The following UMAD1 variants were observed in gnomAD, a reference collection of about 807,000 sequenced individuals.
The protein encoded by UMAD1 is UBAP1-MVB12-associated (UMA) domain containing 1, also known as UBAP1-MVB12-associated (UMA)-domain containing protein 1.
Under a neutral mutation model 6.1 loss-of-function variants are expected in UMAD1, and 8 were observed. That is an observed-to-expected ratio of 1.30 (90% CI 0.76 to 2.35). The LOEUF (loss-of-function observed/expected upper bound fraction) is 2.35. Among genes scored for constraint, UMAD1 ranks in the 30% most tolerant of loss-of-function variants. The probability of loss-of-function intolerance (pLI) is 0.00; values close to 1 mark genes in which losing one functional copy is unlikely to be tolerated. For synonymous variants in UMAD1, 56 were observed against 31.4 expected (o/e 1.78, Z -2.61); for missense variants, 130 against 78.4 (o/e 1.66, Z -2.49).
chr7:7,877,318 A>G lies in UMAD1; in HGVS notation c.194A>G (p.Asp65Gly). 1.4e-6 allele frequency: 1 copy of G among 717,486 alleles called. No individual in the cohort carries two copies. Among genetic ancestry groups the G allele is most frequent in the South Asian group, 1.5e-5 (1 of 67,602 alleles). 44.4% of individuals were successfully genotyped at this position (717,486 alleles called of 1,614,324 possible). The change falls in exon 4 of 4, where the codon GAC (aspartate) becomes GGC (glycine). Residue 65 changes from aspartate (D) to glycine (G), a missense_variant. Asp to Gly is a moderately conservative substitution (Grantham distance 94). Transcript: ENST00000682710. Reference protein sequence around the residue: ...KENSSSVTVSDPEMENKAGQT... With the variant: ...KENSSSVTVSGPEMENKAGQT... Reference sequence around the variant, plus strand: ...AATTCATCCAGTGTGACTGTATCAGACCCTGAGATGGAAAATAAGGCAGGC... The same window carrying G: ...AATTCATCCAGTGTGACTGTATCAGGCCCTGAGATGGAAAATAAGGCAGGC...
intron 3 of UMAD1, among the ~76,000 whole-genome samples, chr7:7,816,985 T>C (rs557792770): frequency 1.3e-5 from 2 of 152,344 alleles, no homozygotes; most frequent in Admixed American, 1.3e-4. Flanking sequence ...GTAATTTGTG[T>C]CTACTGTGCA....
intron 3 of UMAD1, among the ~76,000 whole-genome samples, chr7:7,829,616 T>C (rs1783422004): frequency 6.6e-6 from 1 of 152,232 alleles, no homozygotes; most frequent in African/African-American, 2.4e-5. Flanking sequence ...TAGCACTTTA[T>C]ATTTTTATTT....
At chr7:7,838,151 T>G (rs1364626981) in intron 3 of UMAD1, among the ~76,000 whole-genome samples, 1 of 150,746 alleles carries the variant, frequency 6.6e-6, no homozygotes, top group African/African-American at 2.5e-5. Flanking sequence ...TCAGCAAACA[T>G]TTTCTGAAAG....
At position 7,825,522 on chromosome 7, in the gene UMAD1, G is replaced by A. The variant is rs571885829; in HGVS notation, c.156+23779G>A. 1.3e-4 allele frequency among the ~76,000 whole-genome samples: 20 copies of A among 152,190 alleles called. 1 individual carries two copies. In the East Asian group the frequency reaches 3.9e-3, roughly 29 times the overall value. On this transcript the variant is annotated intron_variant, in intron 3 of 3. Coordinates refer to ENST00000682710, the MANE Select transcript of UMAD1 (RefSeq NM_001302348.2). ...GGCAGCAGGCAAAGAGAAAGAGCTT[G>A]TGCAGGGAAATTCCCATTTTTAAAA...
intron 2 of UMAD1, among the ~76,000 whole-genome samples, chr7:7,767,084 A>G (rs1276708086): frequency 1.3e-5 from 2 of 150,806 alleles, no homozygotes; most frequent in Non-Finnish European, 1.5e-5. Flanking sequence ...AGAGATGATC[A>G]TTACTGTTTA....
intron 2 of UMAD1, 138 bp downstream of exon 2, chr7:7,673,591 A>G (rs1779666235): frequency 3.3e-6 from 2 of 604,930 alleles, no homozygotes; most frequent in African/African-American, 1.8e-5. Flanking sequence ...AAAGCGTAAA[A>G]TCTGTAAAGA....
At position 7,680,688 on chromosome 7, in the gene UMAD1, A is replaced by AT. The variant is rs66525650; in HGVS notation, c.82+7244dup. On this transcript the variant is annotated intron_variant, in intron 2 of 3. Transcript: ENST00000682710. ...ATCCATAAATTTGGAATATCTTTCCATTTTTTTTTATGTGTGTTCTCTTTG... is the reference window on the plus strand; with the variant it reads ...ATCCATAAATTTGGAATATCTTTCCATTTTTTTTTTATGTGTGTTCTCTTTG... Among the ~76,000 whole-genome samples, 26 of 150,942 alleles carry AT rather than the reference A, an allele frequency of 1.7e-4. 1 individual carries two copies. The East Asian group carries it at 3.9e-3, about 23-fold the overall frequency.
intron 3 of UMAD1, among the ~76,000 whole-genome samples, chr7:7,802,049 A>T (rs1782810457): frequency 6.6e-6 from 1 of 152,278 alleles, no homozygotes; most frequent in Non-Finnish European, 1.5e-5. Context: ...TATTTCAATA[A>T]ATAGGCAGTA....
rs193024250 is a variant in UMAD1, at chr7:7,710,466, A to T, written c.82+37013A>T. Among the ~76,000 whole-genome samples the T allele has an allele frequency of 1.1e-3, 166 of 152,364 alleles. 1 individual carries two copies. The Middle Eastern group carries it at 0.014, about 12-fold the overall frequency. On this transcript the variant is annotated intron_variant, in intron 2 of 3. Transcript: ENST00000682710. ...ACATATGGCAAATAAGCACATGAAT[A>T]AGTGTCATTAGCCATAATGCAAATT...
intron 2 of UMAD1, among the ~76,000 whole-genome samples, chr7:7,795,527 G>A (rs1398471170): frequency 2.0e-5 from 3 of 152,220 alleles, no homozygotes; most frequent in African/African-American, 7.2e-5. Flanking sequence ...ACTTTATTAA[G>A]CAAGTAAAGG....
At chr7:7,648,547 T>G (rs1346976236) in intron 1 of UMAD1, among the ~76,000 whole-genome samples, 1 of 152,172 alleles carries the variant, frequency 6.6e-6, no homozygotes, top group Non-Finnish European at 1.5e-5. Context: ...ACAGACTGGG[T>G]AATTTATAAA....
At chr7:7,705,074 A>G (rs1448490747) in intron 2 of UMAD1, among the ~76,000 whole-genome samples, 1 of 152,122 alleles carries the variant, frequency 6.6e-6, no homozygotes, top group Non-Finnish European at 1.5e-5. Context: ...TGGCATTGTT[A>G]TTATTCTGAA....
chr7:7,755,988 C>T (rs763768561), intron 2 of UMAD1, among the ~76,000 whole-genome samples: 1 of 152,156 alleles, frequency 6.6e-6, no homozygotes, highest in South Asian at 2.1e-4. Context: ...AATGAGTAAA[C>T]AAGTAAACCA....
At chr7:7,744,070 T>C (rs1030760315) in intron 2 of UMAD1, among the ~76,000 whole-genome samples, 1 of 152,148 alleles carries the variant, frequency 6.6e-6, no homozygotes, top group African/African-American at 2.4e-5. Flanking sequence ...TAGCAGTTAC[T>C]CACTATTTCC....
At chr7:7,807,285 A>G (rs886957911) in intron 3 of UMAD1, among the ~76,000 whole-genome samples, 2 of 152,136 alleles carry the variant, frequency 1.3e-5, no homozygotes, top group Non-Finnish European at 2.9e-5. Context: ...AATTTTGTCT[A>G]CTTGTATGAT....
At chr7:7,802,207 A>G (rs893981991) in intron 3 of UMAD1, among the ~76,000 whole-genome samples, 9 of 152,124 alleles carry the variant, frequency 5.9e-5, no homozygotes, top group Admixed American at 1.3e-4. Context: ...GTGAAACCCC[A>G]TCTCTACTAA....
At chr7:7,749,486 G>GT (rs1393814017) in intron 2 of UMAD1, among the ~76,000 whole-genome samples, 4 of 152,018 alleles carry the variant, frequency 2.6e-5, no homozygotes, top group Non-Finnish European at 4.4e-5. Flanking sequence ...GTGGGTAAGC[G>GT]TTTTTTTCAT....
intron 2 of UMAD1, among the ~76,000 whole-genome samples, chr7:7,739,984 A>G (rs1160315437): frequency 6.6e-6 from 1 of 152,252 alleles, no homozygotes; most frequent in Non-Finnish European, 1.5e-5. Context: ...GGCAGCTTAA[A>G]TAAGTCAAGA....
intron 2 of UMAD1, among the ~76,000 whole-genome samples, chr7:7,677,948 C>T (rs1779790613): frequency 6.6e-6 from 1 of 151,934 alleles, no homozygotes; most frequent in African/African-American, 2.4e-5. Context: ...GCTGGGATTA[C>T]AGGCGTGAGC....
Sources: gnomAD v4.1 joint callset for allele counts (sites outside exome capture counted in the v4.1 genomes callset) on GRCh38, gnomAD v4.1.1 for gene constraint, MANE v1.5 for transcripts, NCBI Gene and HGNC (gene_info 2026-07-23, HGNC 2026-07-21) for gene names.